The following CGREF1 variants were observed in gnomAD, a reference collection of about 807,000 sequenced individuals.
CGREF1 encodes cell growth regulator with EF hand domain protein 1.
CGREF1 carries 16 observed loss-of-function variants against 17.4 expected under a neutral mutation model. The observed-to-expected ratio is 0.92, with a 90% CI of 0.62 to 1.40. CGREF1 has a LOEUF of 1.40. Among genes scored for constraint, CGREF1 ranks in the 40% most tolerant of loss-of-function variants. CGREF1 has a pLI of 0.00. For missense variants in CGREF1, 296 were observed against 376.4 expected (o/e 0.79, Z 1.77); for synonymous variants, 142 against 154.6 (o/e 0.92, Z 0.61).
chr2:27,104,919 C>G (rs1279142928), intron 1 of CGREF1, among the ~76,000 whole-genome samples: 1 of 152,202 alleles, frequency 6.6e-6, no homozygotes, highest in Non-Finnish European at 1.5e-5. Flanking sequence ...AACTCAAGTA[C>G]AAACTGCAAA....
intron 2 of CGREF1, among the ~76,000 whole-genome samples, chr2:27,103,711 A>AC (rs1334732941): frequency 6.7e-6 from 1 of 148,182 alleles, no homozygotes; most frequent in East Asian, 2.2e-4. Flanking sequence ...CAGGCCAGGC[A>AC]CGGTGGCTCA....
Position 27,104,217 on chromosome 2 carries a change from C to G in CGREF1, c.80+70G>C. 2.7e-6 allele frequency: 4 copies of G among 1,478,192 alleles called. No homozygotes were observed. The Admixed American group carries it at 7.2e-5, about 26-fold the overall frequency. The allele number at this position is 1,478,192 out of a possible 1,614,324, so 91.6% of individuals were successfully genotyped here. A position where few individuals can be genotyped will look rare whatever the true frequency, so the allele number is the denominator to read the frequency against. On this transcript the variant is annotated intron_variant, in intron 2 of 5. Transcript: ENST00000402394. Reference sequence around the variant, plus strand: ...AGTCTCCTGCCTCCCAGAGGGCCCACCACACCCTTGGATTCTCTAGAGACT... The same window carrying G: ...AGTCTCCTGCCTCCCAGAGGGCCCAGCACACCCTTGGATTCTCTAGAGACT...
downstream of CGREF1, chr2:27,099,672 C>G (rs543317237): frequency 6.2e-7 from 1 of 1,613,982 alleles, no homozygotes; most frequent in African/African-American, 1.3e-5. Context: ...CAGGGAGGAG[C>G]GTGCAGGAAG....
At position 27,104,747 on chromosome 2, in the gene CGREF1, G is replaced by C. The variant is rs1259117807; in HGVS notation, c.-11-370C>G. 5 of 1,505,694 alleles carry C rather than the reference G, an allele frequency of 3.3e-6. No homozygotes were observed. In the South Asian group the frequency reaches 6.4e-5, roughly 19 times the overall value. The allele number at this position is 1,505,694 out of a possible 1,614,324, so 93.3% of individuals were successfully genotyped here. ...AGCCCATTCATCTTACAGATGGAAA[G>C]GAGCGCAGAAAGTTTAAGAAAAAGG... is the stretch of plus-strand genomic sequence containing the variant. On this transcript the variant is annotated intron_variant, in intron 1 of 5. Transcript: ENST00000402394.
intron 1 of CGREF1, among the ~76,000 whole-genome samples, chr2:27,111,493 C>T (rs1049236293): frequency 6.6e-5 from 10 of 152,262 alleles, no homozygotes; most frequent in African/African-American, 1.9e-4. Context: ...AGCTGCCTGT[C>T]AGTCCCACAC....
chr2:27,110,150 G>C (rs1040934844), intron 1 of CGREF1, among the ~76,000 whole-genome samples: 1 of 151,602 alleles, frequency 6.6e-6, no homozygotes, highest in African/African-American at 2.4e-5. Context: ...TTGAGCCCAG[G>C]AGTTTGAGAC....
downstream of CGREF1, chr2:27,100,463 G>T (rs141247751): frequency 7.7e-7 from 1 of 1,290,940 alleles, no homozygotes; most frequent in African/African-American, 1.5e-5. Flanking sequence ...CCAGGATACA[G>T]AGTGTTGCTG....
rs60229312 is a variant in CGREF1, at chr2:27,102,256, C to T, written c.218-35G>A. 1,497 of 1,610,836 alleles carry T rather than the reference C, an allele frequency of 9.3e-4. 11 individuals are homozygous for T. The African/African-American group carries it at 0.017, about 19-fold the overall frequency. The stretch of plus-strand genomic sequence containing the variant: ...AGAGAAGCTGGATTAGAAGAGGTGC[C>T]GGGGGAGGTGGAGAAGGCAGGAGTC... On this transcript the variant is annotated intron_variant, in intron 4 of 5. Coordinates refer to ENST00000402394, the MANE Select transcript of CGREF1 (RefSeq NM_006569.6).
chr2:27,099,535 G>C (rs141220653), downstream of CGREF1: 1 of 1,614,076 alleles, frequency 6.2e-7, no homozygotes, highest in Non-Finnish European at 8.5e-7. Context: ...ACTGGGAGCT[G>C]GAGACACCTT....
intron 1 of CGREF1, among the ~76,000 whole-genome samples, chr2:27,108,952 T>C (rs535741932): frequency 1.3e-5 from 2 of 152,260 alleles, no homozygotes; most frequent in South Asian, 4.1e-4. Context: ...CCAGCTTTTT[T>C]TTTTTGGTAG....
At chr2:27,100,390 C>T, downstream of CGREF1, 1 of 1,270,586 alleles carries the variant, frequency 7.9e-7, no homozygotes, top group Non-Finnish European at 1.0e-6. Context: ...GCCCCAGAGC[C>T]TGAAAGTCTC....
Position 27,101,201 on chromosome 2 carries a change from T to G in CGREF1, c.*73A>C. On this transcript the variant is annotated 3_prime_UTR_variant, in exon 6 of 6. Transcript: ENST00000402394. ...CACAGAGATGGTCCTTGTCCCAGCG[T>G]ACATTTCCCCTGCCCACTTCAGGGC... is the stretch of plus-strand genomic sequence containing the variant. 6.6e-7 allele frequency: 1 copy of G among 1,509,270 alleles called. No homozygotes were observed. The highest frequency in any genetic ancestry group is 1.4e-5 in the South Asian group (1 of 73,512). The allele number at this position is 1,509,270 out of a possible 1,614,324, so 93.5% of individuals were successfully genotyped here.
chr2:27,113,369 T>A (rs1671460416), intron 1 of CGREF1, among the ~76,000 whole-genome samples: 1 of 152,154 alleles, frequency 6.6e-6, no homozygotes, highest in African/African-American at 2.4e-5. Flanking sequence ...AAGTTAGATA[T>A]AAGTTTGTAC....
chr2:27,111,775 G>A (rs1323852810), intron 1 of CGREF1, among the ~76,000 whole-genome samples: 2 of 148,046 alleles, frequency 1.4e-5, no homozygotes, highest in Non-Finnish European at 2.9e-5. Context: ...CTGGGCCCCC[G>A]AGCCCACGCC....
chr2:27,102,009 A>G (rs183094598), intron 5 of CGREF1, 88 bp downstream of exon 5: 5 of 1,555,880 alleles, frequency 3.2e-6, no homozygotes, highest in Admixed American at 1.9e-5. Context: ...TTTACAGAGG[A>G]CTCACCAAAA....
intron 1 of CGREF1, among the ~76,000 whole-genome samples, chr2:27,117,015 C>T (rs1671613623): frequency 1.3e-5 from 2 of 151,444 alleles, no homozygotes; most frequent in African/African-American, 4.9e-5. Flanking sequence ...CAGGCTCAAG[C>T]GATTCTCCTG....
intron 1 of CGREF1, among the ~76,000 whole-genome samples, chr2:27,113,104 A>C (rs1442813429): frequency 6.7e-6 from 1 of 149,324 alleles, no homozygotes; most frequent in East Asian, 1.9e-4. Context: ...GTCTGGGTGA[A>C]TGGGCAGAGA....
In CGREF1 at chr2:27,101,295, T is replaced by C; in HGVS notation, c.936A>G (p.Gln312=). The C allele has an allele frequency of 6.4e-7, 1 of 1,568,970 alleles. No individual in the cohort carries two copies. The highest frequency in any genetic ancestry group is 1.7e-4 in the Middle Eastern group (1 of 5,814). Residue 312 remains glutamine (Q), a synonymous_variant, in exon 6 of 6, where the codon CAA becomes CAG. Transcript: ENST00000402394. ...AGATCTAGATCTCATCATTCTCCAC[T>C]TGAACAATGTGCACCTCAAAGTCAT... The part of the protein sequence containing the change: ...TQNDFEVHIV[Q]VENDEI
At chr2:27,111,132 C>A (rs1299682840) in intron 1 of CGREF1, among the ~76,000 whole-genome samples, 1 of 152,206 alleles carries the variant, frequency 6.6e-6, no homozygotes, top group Non-Finnish European at 1.5e-5. Context: ...TGCTTTTATT[C>A]TCTTATCCGG....
Sources: gnomAD v4.1 joint callset for allele counts (sites outside exome capture counted in the v4.1 genomes callset) on GRCh38, gnomAD v4.1.1 for gene constraint, MANE v1.5 for transcripts, NCBI Gene and HGNC (gene_info 2026-07-23, HGNC 2026-07-21) for gene names.